The following TRPM2 variants were observed in gnomAD, a reference collection of about 807,000 sequenced individuals.
TRPM2 encodes the protein estrogen-responsive element-associated gene 1 protein.
In TRPM2, 161 loss-of-function variants were observed where a neutral mutation model predicts 174.0. The observed-to-expected ratio is 0.93, with a 90% CI of 0.81 to 1.05. The LOEUF (loss-of-function observed/expected upper bound fraction) is 1.05. Among genes scored for constraint, TRPM2 ranks in the 50% least tolerant of loss-of-function variants. The probability of loss-of-function intolerance (pLI) is 0.00; values close to 1 mark genes in which losing one functional copy is unlikely to be tolerated. For synonymous variants in TRPM2, 954 were observed against 861.3 expected (o/e 1.11, Z -1.88); for missense variants, 2,057 against 2,038.0 (o/e 1.01, Z -0.18).
intron 2 of TRPM2, among the ~76,000 whole-genome samples, chr21:44,358,331 A>T (rs1359873005): frequency 6.6e-6 from 1 of 152,004 alleles, no homozygotes; most frequent in African/African-American, 2.4e-5. Flanking sequence ...ACTGGAGGGG[A>T]TGCCTCAGAA....
At chr21:44,403,724 GAC>G (rs372134679) in intron 16 of TRPM2, among the ~76,000 whole-genome samples, 51 of 145,202 alleles carry the variant, frequency 3.5e-4, no homozygotes, top group East Asian at 2.7e-3. Flanking sequence ...CATATGCATG[GAC>G]ACACATACAT....
At chr21:44,424,791 G>A in intron 23 of TRPM2, 61 bp from the exon 24 acceptor site, 3 of 1,139,834 alleles carry the variant, frequency 2.6e-6, no homozygotes, top group Non-Finnish European at 3.6e-6. Flanking sequence ...GGTGGGCAGT[G>A]GGGTGTGTAC....
In TRPM2 at chr21:44,365,334, C is replaced by T. The variant is rs563937383; in HGVS notation, c.423+1052C>T. Among the ~76,000 whole-genome samples the T allele has an allele frequency of 5.9e-5, 9 of 152,310 alleles. No homozygotes were observed. The East Asian group carries it at 1.2e-3, about 20-fold the overall frequency. On this transcript the variant is annotated intron_variant, in intron 3 of 31. Coordinates refer to ENST00000397928, the MANE Select transcript of TRPM2 (RefSeq NM_003307.4). The stretch of plus-strand genomic sequence containing the variant: ...CTGGAGCCCTGAACTTGGTACCTGT[C>T]GAGTGTGACCTGTCCACTCAATGCA...
At chr21:44,385,690 G>T (rs2048999146) in intron 9 of TRPM2, among the ~76,000 whole-genome samples, 1 of 152,220 alleles carries the variant, frequency 6.6e-6, no homozygotes, top group Non-Finnish European at 1.5e-5. Flanking sequence ...AAGGAAAGAG[G>T]TTAAATTGAC....
rs1264704387 is a variant in TRPM2, at chr21:44,403,383, AAC to A, written c.2538+1488_2538+1489del. 2.6e-5 allele frequency among the ~76,000 whole-genome samples: 4 copies of A among 152,170 alleles called. No homozygotes were observed. The East Asian group carries it at 7.7e-4, about 29-fold the overall frequency. On this transcript the variant is annotated intron_variant, in intron 16 of 31. Coordinates refer to ENST00000397928, the MANE Select transcript of TRPM2 (RefSeq NM_003307.4). ...TCCTGCACTCTTGGCCTGCTAAAGA[AAC>A]AGTGTGGCCCCTGACAGAACAAAGA...
At chr21:44,359,674 C>T (rs1004075771) in intron 2 of TRPM2, among the ~76,000 whole-genome samples, 1 of 151,206 alleles carries the variant, frequency 6.6e-6, no homozygotes, top group Non-Finnish European at 1.5e-5. Flanking sequence ...CTGATTGGTC[C>T]ATTTTACAGA....
Position 44,359,319 on chromosome 21 carries a change from A to G in TRPM2, c.254+4583A>G, listed in dbSNP as rs544244664. ...AAGTCCGCACCCAACCCAGAAGTCT[A>G]GCTGGCTTCACCTCTCAACATCAGG... On this transcript the variant is annotated intron_variant, in intron 2 of 31. Transcript: ENST00000397928. 1.8e-3 allele frequency among the ~76,000 whole-genome samples: 272 copies of G among 152,244 alleles called. 1 individual carries two copies. The highest frequency in any genetic ancestry group is 3.4e-3 in the Middle Eastern group (1 of 294).
At chr21:44,424,729 C>A (rs1238237229) in intron 23 of TRPM2, 123 bp from the exon 24 acceptor site, 2 of 593,422 alleles carry the variant, frequency 3.4e-6, no homozygotes, top group Non-Finnish European at 2.8e-6. Flanking sequence ...TTTCAAAGGG[C>A]GCAGGGGCTG....
At chr21:44,425,548 G>T in intron 24 of TRPM2, 122 bp from the exon 25 acceptor site, 1 of 1,244,368 alleles carries the variant, frequency 8.0e-7, no homozygotes, top group Non-Finnish European at 1.1e-6. Flanking sequence ...GGCCATTTGG[G>T]CTCGGGGAGG....
chr21:44,435,310 G>C, intron 28 of TRPM2, 93 bp downstream of exon 28: 1 of 1,397,986 alleles, frequency 7.2e-7, no homozygotes, highest in Admixed American at 2.0e-5. Context: ...CTCAGGGGCC[G>C]GGAGGGCGGC....
intron 9 of TRPM2, among the ~76,000 whole-genome samples, chr21:44,390,441 A>C (rs2049139020): frequency 6.6e-6 from 1 of 152,212 alleles, no homozygotes. Context: ...TGAGCAAAAT[A>C]ACTTGTCCTG....
In TRPM2 at chr21:44,369,225, T is replaced by C. The variant is rs763033080; in HGVS notation, c.653T>C (p.Val218Ala). The change falls in exon 5 of 32, where the codon GTA (valine) becomes GCA (alanine). Residue 218 changes from valine to alanine, a missense_variant. Transcript: ENST00000397928. ...GGSHTGVMKQ[V>A]GEAVRDFSLS... ...TCCCACACCGGCGTCATGAAGCAGGTAGGCGAGGCGGTGCGGGACTTCAGC... is the reference window on the plus strand; with the variant it reads ...TCCCACACCGGCGTCATGAAGCAGGCAGGCGAGGCGGTGCGGGACTTCAGC... The C allele has an allele frequency of 2.6e-5, 42 of 1,613,338 alleles. No individual in the cohort carries two copies. The Admixed American group carries it at 6.8e-4, about 26-fold the overall frequency.
At chr21:44,428,165 G>A (rs994842354) in intron 27 of TRPM2, among the ~76,000 whole-genome samples, 1 of 152,098 alleles carries the variant, frequency 6.6e-6, no homozygotes. Context: ...ATTTCCTTAG[G>A]TGTGTTCTCT....
chr21:44,370,635 G>A (rs575682554), intron 5 of TRPM2, among the ~76,000 whole-genome samples: 16 of 152,316 alleles, frequency 1.1e-4, no homozygotes, highest in African/African-American at 3.1e-4. Flanking sequence ...TCCATTCCCC[G>A]GGCGGGCAGA....
chr21:44,366,615 G>A lies in TRPM2; in HGVS notation c.424-139G>A. 5 of 1,097,992 alleles carry A rather than the reference G, an allele frequency of 4.6e-6. No individual in the cohort carries two copies. The highest frequency in any genetic ancestry group is 6.6e-6 in the Non-Finnish European group (5 of 762,164). The allele number at this position is 1,097,992 out of a possible 1,614,324, so 68.0% of individuals were successfully genotyped here. A position where few individuals can be genotyped will look rare whatever the true frequency, so the allele number is the denominator to read the frequency against. ...GTGATCTGTGCCCTGCCCACATGGG[G>A]ACCCCTTTTCTGGGTCTGAGCCGGA... On this transcript the variant is annotated intron_variant, in intron 3 of 31. Transcript: ENST00000397928. The surrounding 1 kb of genome is among the most constrained non-coding windows in gnomAD (Gnocchi z 6.0).
In TRPM2 at chr21:44,405,198, T is replaced by C; in HGVS notation, c.2595T>C (p.Ser865=). ...TGAAGAAGGCAGCCTTGTACTTCAGTGACTTCTGGAATAAGCTGGACGTCG... is the reference window on the plus strand; with the variant it reads ...TGAAGAAGGCAGCCTTGTACTTCAGCGACTTCTGGAATAAGCTGGACGTCG... ...GLMKKAALYF[S]DFWNKLDVGA... Residue 865 remains serine (S), a synonymous_variant, in exon 17 of 32, where the codon AGT becomes AGC. Transcript: ENST00000397928. 3.1e-6 allele frequency: 5 copies of C among 1,613,496 alleles called. No individual in the cohort carries two copies. Among genetic ancestry groups the C allele is most frequent in the East Asian group, 2.2e-5 (1 of 44,888 alleles).
chr21:44,428,835 C>T (rs1271793353), intron 27 of TRPM2, among the ~76,000 whole-genome samples: 3 of 139,590 alleles, frequency 2.1e-5, no homozygotes, highest in Non-Finnish European at 3.1e-5. Flanking sequence ...CCTCCCCTTA[C>T]GTCTGGCTCC....
chr21:44,403,619 A>G (rs1569070728), intron 16 of TRPM2, among the ~76,000 whole-genome samples: 1 of 151,850 alleles, frequency 6.6e-6, no homozygotes, highest in African/African-American at 2.4e-5. Flanking sequence ...ATAGGCACAC[A>G]CATTCATGCA....
At chr21:44,422,189 C>T in intron 22 of TRPM2, 1 of 1,474,342 alleles carries the variant, frequency 6.8e-7, no homozygotes, top group Non-Finnish European at 9.0e-7. Context: ...AAGCTGGGCA[C>T]CTGGGAGGCG....
Sources: allele counts gnomAD v4.1 joint callset (sites outside exome capture counted in the v4.1 genomes callset), GRCh38; gene constraint gnomAD v4.1.1; non-coding constraint Gnocchi (gnomAD v3.1); transcripts MANE v1.5; gene names NCBI Gene and HGNC (gene_info 2026-07-23, HGNC 2026-07-21).